The following PLPP2 variants were observed in gnomAD, a reference collection of about 807,000 sequenced individuals.
PLPP2 encodes phospholipid phosphatase 2.
Under a neutral mutation model 35.2 loss-of-function variants are expected in PLPP2, and 29 were observed. That is an observed-to-expected ratio of 0.82 (90% CI 0.61 to 1.12). The LOEUF (loss-of-function observed/expected upper bound fraction) is 1.12, where lower values mean the gene tolerates loss of function less well. PLPP2 is among the 50% of genes most tolerant of loss of function. PLPP2 has a pLI of 0.00. For synonymous variants in PLPP2, 162 were observed against 167.0 expected (o/e 0.97, Z 0.23); for missense variants, 353 against 375.2 (o/e 0.94, Z 0.49).
chr19:284,672 C>T (rs1970239059), intron 3 of PLPP2: 1 of 152,114 alleles, frequency 6.6e-6, no homozygotes, highest in Non-Finnish European at 1.5e-5. Flanking sequence ...AATATGAGAA[C>T]AATGTCTCAC....
Position 288,169 on chromosome 19 carries a change from A to T in PLPP2, c.55T>A (p.Ser19Thr). 1 of 1,572,846 alleles carries T rather than the reference A, an allele frequency of 6.4e-7. No homozygotes were observed. The highest frequency in any genetic ancestry group is 2.3e-5 in the East Asian group (1 of 44,176). ...AGCGTCAGGATAGCGAAGGGCAGGG[A>T]GGCTGGTGGGGAAGAAAAGCCTGGG... ...LLDVLCLLVA[S>T]LPFAILTLVN... The change falls in exon 2 of 6, where the codon TCC becomes ACC. Residue 19 changes from serine (S) to threonine (T), a missense_variant and splice_region_variant. Physicochemically the swap from Ser to Thr is moderately conservative, Grantham distance 58 (BLOSUM62 1). Coordinates refer to ENST00000434325, the MANE Select transcript of PLPP2 (RefSeq NM_003712.4).
Position 281,498 on chromosome 19 carries a change from G to T in PLPP2, c.757C>A (p.Gln253Lys), listed in dbSNP as rs774094517. 9.7e-6 allele frequency: 15 copies of T among 1,540,576 alleles called. No individual in the cohort carries two copies. The highest frequency in any genetic ancestry group is 2.0e-5 in the Admixed American group (1 of 50,666). ...AGCTCCTCCTCCTTCAGACAGTGCT[G>T]TGGGGGTCGGGCTTTGAAGAAGTCT... ...ISDFFKARPPQHCLKEEELER... is the reference protein window; with the variant it reads ...ISDFFKARPPKHCLKEEELER... Residue 253 changes from glutamine to lysine, a missense_variant, in exon 6 of 6, where the codon CAG (glutamine) becomes AAG (lysine). Coordinates refer to ENST00000434325, the MANE Select transcript of PLPP2 (RefSeq NM_003712.4).
intron 5 of PLPP2, 142 bp downstream of exon 5, chr19:281,992 G>T: frequency 1.1e-6 from 1 of 935,346 alleles, no homozygotes; most frequent in Non-Finnish European, 1.6e-6. Context: ...CTGGGGTTGG[G>T]GGAAGGGGTC....
chr19:288,770 C>T (rs1970322649), intron 1 of PLPP2, among the ~76,000 whole-genome samples: 1 of 152,174 alleles, frequency 6.6e-6, no homozygotes, highest in Admixed American at 6.5e-5. Context: ...GTGTGGGACA[C>T]TGGAATTGAT....
chr19:288,229 G>A, intron 1 of PLPP2, 58 bp from the exon 2 acceptor site: 4 of 1,524,364 alleles, frequency 2.6e-6, no homozygotes, highest in Non-Finnish European at 3.5e-6. Context: ...GGGCCTTGGG[G>A]CCCCACACAC....
intron 1 of PLPP2, among the ~76,000 whole-genome samples, chr19:288,805 C>G (rs1970323391): frequency 6.6e-6 from 1 of 152,190 alleles, no homozygotes; most frequent in Non-Finnish European, 1.5e-5. Flanking sequence ...CCACCGGCAC[C>G]AGGAGGGGCC....
chr19:288,958 C>T (rs1913802377), intron 1 of PLPP2, among the ~76,000 whole-genome samples: 1 of 152,230 alleles, frequency 6.6e-6, no homozygotes, highest in South Asian at 2.1e-4. Context: ...AGGAAGGGCA[C>T]AGCTGAGACA....
intron 3 of PLPP2, chr19:285,555 C>T (rs891525701): frequency 5.4e-5 from 8 of 147,040 alleles, no homozygotes; most frequent in African/African-American, 1.5e-4. Context: ...GACAAGATCA[C>T]GTCACCGCAC....
chr19:288,157 C>G lies in PLPP2; in HGVS notation c.67G>C (p.Ala23Pro). Reference protein sequence around the residue: ...LCLLVASLPFAILTLVNAPYK... With the variant: ...LCLLVASLPFPILTLVNAPYK... Reference sequence around the variant, plus strand: ...GGGGCGTTCACCAGCGTCAGGATAGCGAAGGGCAGGGAGGCTGGTGGGGAA... The same window carrying G: ...GGGGCGTTCACCAGCGTCAGGATAGGGAAGGGCAGGGAGGCTGGTGGGGAA... The change falls in exon 2 of 6, where the codon GCT (alanine) becomes CCT (proline). Residue 23 changes from alanine (A) to proline (P), a missense_variant. Ala to Pro is a conservative substitution (Grantham distance 27). Transcript: ENST00000434325. 1.3e-6 allele frequency: 2 copies of G among 1,589,596 alleles called. No individual in the cohort carries two copies. The highest frequency in any genetic ancestry group is 1.7e-6 in the Non-Finnish European group (2 of 1,164,012).
chr19:287,270 T>C lies in PLPP2; in HGVS notation c.482+204A>G. ...TGTACTAAACAACAGAACCCCAAAATACTTAAAGCAAAAACTGACAGAATG... is the reference window on the plus strand; with the variant it reads ...TGTACTAAACAACAGAACCCCAAAACACTTAAAGCAAAAACTGACAGAATG... On this transcript the variant is annotated intron_variant, in intron 3 of 5. Transcript: ENST00000434325. The surrounding 1 kb of genome is among the most constrained non-coding windows in gnomAD (Gnocchi z 4.3). 4 of 627,700 alleles carry C rather than the reference T, an allele frequency of 6.4e-6. No individual in the cohort carries two copies. The highest frequency in any genetic ancestry group is 2.2e-5 in the South Asian group (1 of 44,960). The allele number at this position is 627,700 out of a possible 1,614,324, so 38.9% of individuals were successfully genotyped here. A position where few individuals can be genotyped will look rare whatever the true frequency, so the allele number is the denominator to read the frequency against.
At chr19:283,084 C>T in intron 3 of PLPP2, 1 of 411,466 alleles carries the variant, frequency 2.4e-6, no homozygotes, top group Non-Finnish European at 4.3e-6. Context: ...GGCAAGCAGG[C>T]AACACCACAG....
intron 1 of PLPP2, among the ~76,000 whole-genome samples, chr19:290,700 C>G (rs1301382839): frequency 6.6e-6 from 1 of 152,194 alleles, no homozygotes; most frequent in Non-Finnish European, 1.5e-5. Flanking sequence ...GGCCTCCCGG[C>G]CCCCCGCCAC....
Position 282,263 on chromosome 19 carries a change from TC to T in PLPP2, c.587del (p.Arg196HisfsTer61). On this transcript the variant is annotated frameshift_variant, in exon 5 of 6. Transcript: ENST00000434325. LOFTEE classifies it high-confidence loss of function. ...CCACCAGGAAGAACTGGACTGTGGG[TC>T]GCAGCAGCCGTGCCCACTTCCAACA... ...RLCWKWARLL[R>X]PTVQFFLVAF... 6.2e-7 allele frequency: 1 copy of T among 1,613,748 alleles called. No individual in the cohort carries two copies. Among genetic ancestry groups the T allele is most frequent in the Non-Finnish European group, 8.5e-7 (1 of 1,179,876 alleles).
chr19:288,413 A>C (rs1970314849), intron 1 of PLPP2: 1 of 385,310 alleles, frequency 2.6e-6, no homozygotes, highest in Non-Finnish European at 4.6e-6. Flanking sequence ...CTAACTCAGC[A>C]AACACCCACC....
At chr19:290,879 C>G (rs1970376310) in intron 1 of PLPP2, 2 of 1,154,612 alleles carry the variant, frequency 1.7e-6, no homozygotes, top group South Asian at 4.4e-5. Context: ...GCGCCCACCC[C>G]AGGGGCGGAG....
At chr19:291,023 G>A (rs1278167006) in intron 1 of PLPP2, 9 of 1,277,922 alleles carry the variant, frequency 7.0e-6, no homozygotes, top group Middle Eastern at 2.9e-4. Context: ...CTGCCGGGGC[G>A]GGGGATGCTG....
chr19:287,306 G>T lies in PLPP2; in HGVS notation c.482+168C>A. 1 of 819,360 alleles carries T rather than the reference G, an allele frequency of 1.2e-6. No individual in the cohort carries two copies. Among genetic ancestry groups the T allele is most frequent in the South Asian group, 1.8e-5 (1 of 54,738 alleles). 50.8% of individuals were successfully genotyped at this position (819,360 alleles called of 1,614,324 possible). ...AAAACTGACAGAATGTTACAACATG[G>T]ATGAACTTCAAAAACATACAAGAAT... On this transcript the variant is annotated intron_variant, in intron 3 of 5. Coordinates refer to ENST00000434325, the MANE Select transcript of PLPP2 (RefSeq NM_003712.4). The surrounding 1 kb of genome is among the most constrained non-coding windows in gnomAD (Gnocchi z 4.3).
chr19:282,588 C>A lies in PLPP2; in HGVS notation c.540+164G>T, dbSNP rs113874358. On this transcript the variant is annotated intron_variant, in intron 4 of 5. Transcript: ENST00000434325. Reference sequence around the variant, plus strand: ...CAGATGGCAGCACTGAGGCCGGAGGCAAACACTGGTCAGCCCAGGGCCTCC... The same window carrying A: ...CAGATGGCAGCACTGAGGCCGGAGGAAAACACTGGTCAGCCCAGGGCCTCC... 8.3e-3 allele frequency among the ~76,000 whole-genome samples: 1,265 copies of A among 152,018 alleles called. 26 individuals are homozygous for A. Among genetic ancestry groups the A allele is most frequent in the African/African-American group, 0.029 (1,202 of 41,394 alleles).
Position 291,260 on chromosome 19 carries a change from A to G in PLPP2, c.52+25T>C, listed in dbSNP as rs767134574. ...TGTCCGTCCCGGGAGGGTCCCCCCA[A>G]CACCCGGGTCCCCAAGGCTCTTACC... is the stretch of plus-strand genomic sequence containing the variant. On this transcript the variant is annotated intron_variant, in intron 1 of 5. Transcript: ENST00000434325. 70 of 1,599,140 alleles carry G rather than the reference A, an allele frequency of 4.4e-5. No homozygotes were observed. The South Asian group carries it at 6.4e-4, about 15-fold the overall frequency.
Sources: gnomAD v4.1 joint callset for allele counts (sites outside exome capture counted in the v4.1 genomes callset) on GRCh38, gnomAD v4.1.1 for gene constraint, Gnocchi (gnomAD v3.1) non-coding constraint, MANE v1.5 for transcripts, NCBI Gene and HGNC (gene_info 2026-07-23, HGNC 2026-07-21) for gene names.